The following ST6GAL1 variants were observed in gnomAD, a reference collection of about 807,000 sequenced individuals.
The protein encoded by ST6GAL1 is ST6 beta-galactoside alpha-2,6-sialyltransferase 1, also known as beta-galactoside alpha-2,6-sialyltransferase 1.
Under a neutral mutation model 38.0 loss-of-function variants are expected in ST6GAL1, and 20 were observed. The ratio of observed to expected loss-of-function variants is 0.53; its 90% CI spans 0.37 to 0.77. The LOEUF (loss-of-function observed/expected upper bound fraction) is 0.77, where lower values mean the gene tolerates loss of function less well. ST6GAL1 is among the 30% of genes least tolerant of loss of function. ST6GAL1 has a pLI of 0.00. For synonymous variants in ST6GAL1, 196 were observed against 188.2 expected (o/e 1.04, Z -0.34); for missense variants, 432 against 496.4 (o/e 0.87, Z 1.23).
At chr3:187,071,790 A>G (rs59595923) in intron 5 of ST6GAL1, among the ~76,000 whole-genome samples, 3,934 of 149,720 alleles carry the variant, frequency 0.026, 130 homozygotes, top group African/African-American at 0.074. Context: ...AAAAAAAAAA[A>G]AAAAAGAAAA....
intron 4 of ST6GAL1, among the ~76,000 whole-genome samples, chr3:187,049,092 T>C (rs1718420947): frequency 6.6e-6 from 1 of 152,130 alleles, no homozygotes. Flanking sequence ...GGTTTCACCA[T>C]GTTGGTCAGG....
At chr3:186,936,389 A>G (rs949131750) in intron 1 of ST6GAL1, among the ~76,000 whole-genome samples, 4 of 152,222 alleles carry the variant, frequency 2.6e-5, no homozygotes, top group African/African-American at 9.6e-5. Context: ...CTGATGTAGT[A>G]TCAGTGATTT....
intron 2 of ST6GAL1, among the ~76,000 whole-genome samples, chr3:187,013,003 G>A (rs1280675788): frequency 6.6e-6 from 1 of 152,222 alleles, no homozygotes; most frequent in Non-Finnish European, 1.5e-5. Flanking sequence ...CAGGGGTGAG[G>A]TGGAAGGGCT....
chr3:187,044,069 G>C (rs1718216852), intron 4 of ST6GAL1, among the ~76,000 whole-genome samples: 1 of 152,198 alleles, frequency 6.6e-6, no homozygotes, highest in South Asian at 2.1e-4. Context: ...GGAGTTTGTA[G>C]ACTGCAGTTT....
chr3:187,022,957 T>A (rs1049232102), intron 2 of ST6GAL1, among the ~76,000 whole-genome samples: 10 of 152,212 alleles, frequency 6.6e-5, no homozygotes, highest in African/African-American at 7.2e-5. Context: ...CTTATTGTCA[T>A]AAAGGGTCTG....
Position 187,042,742 on chromosome 3 carries a change from C to T in ST6GAL1, c.39C>T (p.Cys13=), listed in dbSNP as rs368957799. The stretch of plus-strand genomic sequence containing the variant: ...ACCTGAAGAAAAAGTTCAGCTGCTG[C>T]GTCCTGGTCTTTCTTCTGTTTGCAG... ...HTNLKKKFSC[C]VLVFLLFAVI... Residue 13 remains cysteine, a synonymous_variant, in exon 4 of 8, where the codon TGC becomes TGT. Transcript: ENST00000169298. 35 of 1,613,244 alleles carry T rather than the reference C, an allele frequency of 2.2e-5. No homozygotes were observed. The highest frequency in any genetic ancestry group is 2.0e-4 in the East Asian group (9 of 44,900).
intron 1 of ST6GAL1, among the ~76,000 whole-genome samples, chr3:186,950,403 G>T (rs1043970959): frequency 2.6e-5 from 4 of 152,156 alleles, no homozygotes; most frequent in African/African-American, 9.7e-5. Flanking sequence ...GGCCTGACTG[G>T]GGGAGAGGGT....
intron 1 of ST6GAL1, among the ~76,000 whole-genome samples, chr3:186,936,613 T>C (rs1713961749): frequency 1.3e-5 from 2 of 152,274 alleles, no homozygotes; most frequent in African/African-American, 4.8e-5. Context: ...AGAATCAATG[T>C]AGTGATTTAA....
intron 2 of ST6GAL1, among the ~76,000 whole-genome samples, chr3:187,023,433 C>T (rs3872724): frequency 0.41 from 61,845 of 152,022 alleles, 12,908 homozygotes; most frequent in East Asian, 0.55. Context: ...GTCTGGTTCA[C>T]AGTAGGCAAT....
intron 4 of ST6GAL1, among the ~76,000 whole-genome samples, chr3:187,046,515 G>T (rs1366897805): frequency 6.6e-6 from 1 of 151,116 alleles, no homozygotes; most frequent in African/African-American, 2.4e-5. Flanking sequence ...TCTAGAAAAA[G>T]ATTTACATTT....
chr3:187,001,012 T>C (rs1191885439), intron 2 of ST6GAL1, among the ~76,000 whole-genome samples: 1 of 152,206 alleles, frequency 6.6e-6, no homozygotes, highest in African/African-American at 2.4e-5. Context: ...GAGGCCATTG[T>C]TGGCAGAAAG....
At chr3:187,048,880 A>AATTTTTTTTTT (rs1286181913) in intron 4 of ST6GAL1, among the ~76,000 whole-genome samples, 1 of 115,454 alleles carries the variant, frequency 8.7e-6, no homozygotes, top group African/African-American at 3.8e-5. Context: ...GAGAAATTGA[A>AATTTTTTTTTT]TTTTTTTTTT....
Position 187,020,948 on chromosome 3 carries a change from AT to A in ST6GAL1, c.-182-17793del, listed in dbSNP as rs1207828396. 2.0e-5 allele frequency among the ~76,000 whole-genome samples: 3 copies of A among 150,054 alleles called. No homozygotes were observed. In the East Asian group the frequency reaches 5.9e-4, roughly 30 times the overall value. On this transcript the variant is annotated intron_variant, in intron 2 of 7. Coordinates refer to ENST00000169298, the MANE Select transcript of ST6GAL1 (RefSeq NM_173216.2). ...GTGGGGGAGGGTGCGGTGTTAGGAT[AT>A]ATGTATTGGTGGTTTTTTTTTTTGT...
chr3:187,030,897 C>T (rs572310910), intron 2 of ST6GAL1, among the ~76,000 whole-genome samples: 3 of 152,176 alleles, frequency 2.0e-5, no homozygotes, highest in East Asian at 1.9e-4. Context: ...ATGATGGTGC[C>T]GTCAAGGTGA....
chr3:186,941,840 G>A (rs766443064), intron 1 of ST6GAL1, among the ~76,000 whole-genome samples: 8 of 151,952 alleles, frequency 5.3e-5, no homozygotes, highest in Admixed American at 3.3e-4. Context: ...GTGAAACCCC[G>A]TCTCTACTAA....
intron 5 of ST6GAL1, among the ~76,000 whole-genome samples, chr3:187,055,555 C>T (rs1466027292): frequency 2.0e-5 from 3 of 152,124 alleles, no homozygotes; most frequent in African/African-American, 7.2e-5. Flanking sequence ...GCCTTCATTT[C>T]GTTATGTCCC....
intron 2 of ST6GAL1, among the ~76,000 whole-genome samples, chr3:187,013,461 A>C (rs192862620): frequency 1.3e-4 from 20 of 152,286 alleles, no homozygotes; most frequent in Non-Finnish European, 2.6e-4. Context: ...GGCTTTTTCT[A>C]TTAGTTCAGT....
intron 2 of ST6GAL1, among the ~76,000 whole-genome samples, chr3:187,023,891 TA>T (rs59561414): frequency 0.11 from 14,606 of 138,142 alleles, 815 homozygotes; most frequent in African/African-American, 0.17. Context: ...TAATAATAAT[TA>T]AAAAAAAAAA....
chr3:186,934,547 C>G (rs1315454104), intron 1 of ST6GAL1, among the ~76,000 whole-genome samples: 2 of 151,630 alleles, frequency 1.3e-5, no homozygotes, highest in East Asian at 3.9e-4. Context: ...GGGGACATAG[C>G]GAGACCCTGT....
Sources: gnomAD v4.1 joint callset for allele counts (sites outside exome capture counted in the v4.1 genomes callset) on GRCh38, gnomAD v4.1.1 for gene constraint, MANE v1.5 for transcripts, NCBI Gene and HGNC (gene_info 2026-07-23, HGNC 2026-07-21) for gene names.